Variants in DOC2B observed in about 807,000 individuals in gnomAD.
The protein encoded by DOC2B is double C2-like domain-containing protein beta.
DOC2B carries 21 observed loss-of-function variants against 28.9 expected under a neutral mutation model. That is an observed-to-expected ratio of 0.73 (90% CI 0.52 to 1.05). The LOEUF (loss-of-function observed/expected upper bound fraction) is 1.05, where lower values mean the gene tolerates loss of function less well. Among genes scored for constraint, DOC2B ranks in the 50% least tolerant of loss-of-function variants. The pLI is 0.00. For synonymous variants in DOC2B, 194 were observed against 178.1 expected (o/e 1.09, Z -0.71); for missense variants, 384 against 421.1 (o/e 0.91, Z 0.77).
intron 5 of DOC2B, among the ~76,000 whole-genome samples, chr17:160,223 C>T (rs139738597): frequency 6.6e-6 from 1 of 152,114 alleles, no homozygotes; most frequent in African/African-American, 2.4e-5. Flanking sequence ...ACCTCATGAC[C>T]CACCTGCCTT....
In DOC2B at chr17:181,015, G is replaced by T. The variant is rs1001693091; in HGVS notation, c.373+92C>A. 1.7e-5 allele frequency: 18 copies of T among 1,085,142 alleles called. No individual in the cohort carries two copies. The South Asian group carries it at 3.6e-4, about 22-fold the overall frequency. 67.2% of individuals were successfully genotyped at this position (1,085,142 alleles called of 1,614,324 possible). ...GAACCGAGGCAGAGCGCGAGCGCGC[G>T]AGGGGGACCGGCGGAGGGAAGCCGC... On this transcript the variant is annotated intron_variant, in intron 1 of 8. Coordinates refer to ENST00000613549, the MANE Select transcript of DOC2B (RefSeq NM_003585.5). This position sits in a 1 kb window ranked among gnomAD's most constrained non-coding sequence, Gnocchi z 7.0.
In DOC2B at chr17:149,126, G is replaced by A; in HGVS notation, c.990C>T (p.Asn330=). ...CCCCTCATACCTCATTAAACTCCGGGTTCAGGGTTTTTTTCTTCACCGCTG... is the reference window on the plus strand; with the variant it reads ...CCCCTCATACCTCATTAAACTCCGGATTCAGGGTTTTTTTCTTCACCGCTG... ...HKTAVKKKTL[N]PEFNEEFCYE... Residue 330 remains asparagine, a synonymous_variant, in exon 7 of 9, where the codon AAC becomes AAT. Transcript: ENST00000613549. The A allele has an allele frequency of 2.5e-6, 1 of 399,604 alleles. No individual in the cohort carries two copies. Among genetic ancestry groups the A allele is most frequent in the Non-Finnish European group, 4.4e-6 (1 of 226,230 alleles). The allele number at this position is 399,604 out of a possible 1,614,324, so 24.8% of individuals were successfully genotyped here.
At chr17:153,913 AG>A (rs1328973894) in intron 6 of DOC2B, among the ~76,000 whole-genome samples, 4 of 152,266 alleles carry the variant, frequency 2.6e-5, no homozygotes, top group African/African-American at 9.6e-5. Context: ...TTAACTTCAT[AG>A]TACCACATTC....
At position 162,147 on chromosome 17, in the gene DOC2B, G is replaced by C; in HGVS notation, c.572C>G (p.Pro191Arg). ...GTAAGTGAGGGTCTCGTTCCATGTG[G>C]GGTTCAGAGTGTTACGGAGAGTTTT... ...RTKTLRNTLN[P>R]TWNETLTYYG... Residue 191 changes from proline (P) to arginine (R), a missense_variant, in exon 4 of 9, where the codon CCC becomes CGC. Physicochemically the swap from Pro to Arg is moderately radical, Grantham distance 103 (BLOSUM62 -2). Coordinates refer to ENST00000613549, the MANE Select transcript of DOC2B (RefSeq NM_003585.5). The C allele has an allele frequency of 6.4e-7, 1 of 1,551,952 alleles. No homozygotes were observed. Among genetic ancestry groups the C allele is most frequent in the Non-Finnish European group, 8.7e-7 (1 of 1,147,042 alleles).
chr17:158,821 G>C (rs1555522892), intron 5 of DOC2B, among the ~76,000 whole-genome samples: 2 of 152,136 alleles, frequency 1.3e-5, no homozygotes, highest in Non-Finnish European at 2.9e-5. Flanking sequence ...AAGGCGGGCA[G>C]ATCACCTGAG....
chr17:157,594 T>C (rs1555522734), intron 5 of DOC2B, among the ~76,000 whole-genome samples: 1 of 152,214 alleles, frequency 6.6e-6, no homozygotes, highest in Non-Finnish European at 1.5e-5. Context: ...TCTGAGTAGC[T>C]GGGACTACAG....
chr17:179,934 C>T (rs2151478889), intron 1 of DOC2B, among the ~76,000 whole-genome samples: 1 of 152,384 alleles, frequency 6.6e-6, no homozygotes, highest in Non-Finnish European at 1.5e-5. Context: ...GGGGTCTGTG[C>T]CCCGGGGGCA....
intron 4 of DOC2B, 21 bp downstream of exon 4, chr17:162,060 C>T (rs371408693): frequency 4.7e-5 from 71 of 1,508,160 alleles, no homozygotes; most frequent in African/African-American, 3.5e-4. Flanking sequence ...AGGGAGCAGG[C>T]GGCCTGGGAC....
chr17:148,353 A>C (rs919357236), intron 7 of DOC2B, 84 bp from the exon 8 acceptor site: 5 of 398,080 alleles, frequency 1.3e-5, no homozygotes, highest in Non-Finnish European at 2.2e-5. Context: ...GTGTAGGGAC[A>C]GAGGAGGGAT....
At position 156,934 on chromosome 17, in the gene DOC2B, CACATGAAAATG is replaced by C. The variant is rs2040142702; in HGVS notation, c.766-568_766-558del. 3.3e-5 allele frequency among the ~76,000 whole-genome samples: 5 copies of C among 152,314 alleles called. No individual in the cohort carries two copies. The South Asian group carries it at 1.0e-3, about 32-fold the overall frequency. On this transcript the variant is annotated intron_variant, in intron 5 of 8. Coordinates refer to ENST00000613549, the MANE Select transcript of DOC2B (RefSeq NM_003585.5). The stretch of plus-strand genomic sequence containing the variant: ...AAATGAAATGAAAAATATTTTGTGA[CACATGAAAATG>C]ACATGAAATTCACACTTCAGCTTCC...
intron 5 of DOC2B, among the ~76,000 whole-genome samples, chr17:156,791 C>T (rs2040141114): frequency 6.6e-6 from 1 of 152,192 alleles, no homozygotes. Context: ...TTTGCCCAGG[C>T]TGATCTCAAA....
intron 3 of DOC2B, 115 bp downstream of exon 3, chr17:164,015 G>A: frequency 1.3e-6 from 1 of 767,884 alleles, no homozygotes; most frequent in Non-Finnish European, 2.1e-6. Flanking sequence ...GGCAGCTGTG[G>A]GCCTCCCTGG....
At chr17:168,759 T>A (rs2040277781) in intron 2 of DOC2B, among the ~76,000 whole-genome samples, 1 of 152,214 alleles carries the variant, frequency 6.6e-6, no homozygotes, top group African/African-American at 2.4e-5. Context: ...GATGGCCTGA[T>A]AAGGGGAAAC....
At position 181,057 on chromosome 17, in the gene DOC2B, C is replaced by G. The variant is rs2151479722; in HGVS notation, c.373+50G>C. The stretch of plus-strand genomic sequence containing the variant: ...GGAAGCCGCGAGGCCGTGGGGGGGC[C>G]GAGCCCGAGCCAGGGGAGGGGGCGC... On this transcript the variant is annotated intron_variant, in intron 1 of 8. Transcript: ENST00000613549. The surrounding 1 kb of genome is among the most constrained non-coding windows in gnomAD (Gnocchi z 7.0). 2 of 1,213,064 alleles carry G rather than the reference C, an allele frequency of 1.6e-6. No homozygotes were observed. Among genetic ancestry groups the G allele is most frequent in the South Asian group, 7.3e-5 (2 of 27,338 alleles). The allele number at this position is 1,213,064 out of a possible 1,614,324, so 75.1% of individuals were successfully genotyped here. A position where few individuals can be genotyped will look rare whatever the true frequency, so the allele number is the denominator to read the frequency against.
Position 145,924 on chromosome 17 carries a change from G to A in DOC2B, c.*1517C>T, listed in dbSNP as rs1352159354. On this transcript the variant is annotated 3_prime_UTR_variant, in exon 9 of 9. Coordinates refer to ENST00000613549, the MANE Select transcript of DOC2B (RefSeq NM_003585.5). ...GGCCTGTTTCCATCACACACTGATG[G>A]GCTGAGCACACTGGGACTCTGGCTG... 3 of 152,384 alleles carry A rather than the reference G, an allele frequency of 2.0e-5. No individual in the cohort carries two copies. Among genetic ancestry groups the A allele is most frequent in the Non-Finnish European group, 2.9e-5 (2 of 68,144 alleles). 9.4% of individuals were successfully genotyped at this position (152,384 alleles called of 1,614,324 possible).
chr17:170,847 C>G (rs112961034), intron 2 of DOC2B, among the ~76,000 whole-genome samples: 4,009 of 25,428 alleles, frequency 0.16, 677 homozygotes, highest in Middle Eastern at 0.19. Context: ...CTGCAGAGGG[C>G]AGCACCAGGG....
chr17:180,591 G>A (rs2040428989), intron 1 of DOC2B, among the ~76,000 whole-genome samples: 1 of 152,104 alleles, frequency 6.6e-6, no homozygotes, highest in Non-Finnish European at 1.5e-5. Context: ...CGCTCTGCGG[G>A]CCGCCGGGAC....
At chr17:159,578 T>A (rs1386066018) in intron 5 of DOC2B, among the ~76,000 whole-genome samples, 1 of 152,082 alleles carries the variant, frequency 6.6e-6, no homozygotes, top group Non-Finnish European at 1.5e-5. Context: ...GAACAGAGAT[T>A]TTGCCACTGA....
At chr17:179,984 T>TGCTTGG (rs2040419207) in intron 1 of DOC2B, among the ~76,000 whole-genome samples, 1 of 152,328 alleles carries the variant, frequency 6.6e-6, no homozygotes, top group African/African-American at 2.4e-5. Context: ...GCACATTTGA[T>TGCTTGG]GCTTGGGAAA....
Sources: gnomAD v4.1 joint callset for allele counts (sites outside exome capture counted in the v4.1 genomes callset) on GRCh38, gnomAD v4.1.1 for gene constraint, Gnocchi (gnomAD v3.1) non-coding constraint, MANE v1.5 for transcripts, NCBI Gene and HGNC (gene_info 2026-07-23, HGNC 2026-07-21) for gene names.